Variants in KIF26B observed in about 807,000 individuals in gnomAD.
The protein encoded by KIF26B is kinesin family member 26B.
A neutral mutation model predicts 151.2 loss-of-function variants in KIF26B; 63 were observed. That is an observed-to-expected ratio of 0.42 (90% CI 0.34 to 0.51). KIF26B has a LOEUF of 0.51. KIF26B is among the 20% of genes least tolerant of loss of function. The pLI, the probability that KIF26B is intolerant of heterozygous loss-of-function variation, is 0.07. For synonymous variants in KIF26B, 1,357 were observed against 1,262.1 expected (o/e 1.08, Z -1.59); for missense variants, 2,813 against 2,913.6 (o/e 0.97, Z 0.79).
intron 9 of KIF26B, among the ~76,000 whole-genome samples, chr1:245,633,901 T>C (rs1411804717): frequency 6.6e-6 from 1 of 152,038 alleles, no homozygotes; most frequent in African/African-American, 2.4e-5. Context: ...CAGCCTCAAA[T>C]TTGTAGTGTT....
intron 9 of KIF26B, among the ~76,000 whole-genome samples, chr1:245,619,398 G>A (rs939865223): frequency 2.6e-5 from 4 of 152,230 alleles, no homozygotes; most frequent in Non-Finnish European, 5.9e-5. Context: ...CACCCACCTC[G>A]GCCAGCCTGG....
chr1:245,523,172 G>A (rs370109305), intron 4 of KIF26B, among the ~76,000 whole-genome samples: 3 of 152,156 alleles, frequency 2.0e-5, no homozygotes, highest in African/African-American at 2.4e-5. Context: ...AGTTGGCTTC[G>A]CATCCTGTAC....
intron 2 of KIF26B, among the ~76,000 whole-genome samples, chr1:245,257,504 A>C (rs1670558351): frequency 6.6e-6 from 1 of 152,274 alleles, no homozygotes. Flanking sequence ...CTCACCTCTC[A>C]ATGAGTGGGA....
At chr1:245,614,181 G>A (rs111930943) in intron 9 of KIF26B, among the ~76,000 whole-genome samples, 1,661 of 151,980 alleles carry the variant, frequency 0.011, 35 homozygotes, top group African/African-American at 0.038. Flanking sequence ...TAGTTTTTTT[G>A]TTTGTTTGAG....
intron 3 of KIF26B, among the ~76,000 whole-genome samples, chr1:245,406,941 C>G (rs1246432864): frequency 6.6e-6 from 1 of 151,974 alleles, no homozygotes; most frequent in African/African-American, 2.4e-5. Context: ...GTGCGCACCA[C>G]CACGCCTGGC....
intron 4 of KIF26B, among the ~76,000 whole-genome samples, chr1:245,448,076 T>C (rs1026605265): frequency 1.3e-5 from 2 of 152,254 alleles, no homozygotes; most frequent in Non-Finnish European, 2.9e-5. Context: ...CCTTTTGCCA[T>C]AGGAAGACAC....
intron 9 of KIF26B, among the ~76,000 whole-genome samples, chr1:245,627,930 G>A (rs2043741692): frequency 6.6e-6 from 1 of 152,132 alleles, no homozygotes; most frequent in African/African-American, 2.4e-5. Flanking sequence ...GACTAAACCA[G>A]GAAGAAGTCA....
In KIF26B at chr1:245,184,050, G is replaced by GTTGTTTTTTTTTTTTTTTTT. The variant is rs1553332271; in HGVS notation, c.465+27369_465+27370insGTTTTTTTTTTTTTTTTTTT. Among the ~76,000 whole-genome samples the GTTGTTTTTTTTTTTTTTTTT allele has an allele frequency of 8.6e-4, 17 of 19,810 alleles. 1 individual carries two copies. The highest frequency in any genetic ancestry group is 2.8e-3 in the South Asian group (1 of 352). 13.0% of individuals were successfully genotyped at this position (19,810 alleles called of 152,430 possible). ...GCAACAGGTATGGGTGGGAGTTGTT[G>GTTGTTTTTTTTTTTTTTTTT]TTTTTTTTTTTTTTTTTTTGAGCTT... On this transcript the variant is annotated intron_variant, in intron 2 of 14. Coordinates refer to ENST00000407071, the MANE Select transcript of KIF26B (RefSeq NM_018012.4).
At position 245,492,830 on chromosome 1, in the gene KIF26B, G is replaced by C. The variant is rs182777697; in HGVS notation, c.1167-47937G>C. Among the ~76,000 whole-genome samples, 5 of 152,162 alleles carry C rather than the reference G, an allele frequency of 3.3e-5. No individual in the cohort carries two copies. In the South Asian group the frequency reaches 1.0e-3, roughly 32 times the overall value. On this transcript the variant is annotated intron_variant, in intron 4 of 14. Transcript: ENST00000407071. ...GAGTCTTGCTCTGTCGCCCAGGCTG[G>C]AGTGCAGTGGCGTGATCTTGGCTCA...
intron 4 of KIF26B, among the ~76,000 whole-genome samples, chr1:245,467,293 T>G (rs608295): frequency 0.81 from 123,878 of 152,228 alleles, 50,645 homozygotes; most frequent in African/African-American, 0.88. Context: ...AGCTCTTTAT[T>G]CTGTGTTTCG....
chr1:245,653,922 G>T (rs568688764), intron 10 of KIF26B, among the ~76,000 whole-genome samples: 1 of 152,222 alleles, frequency 6.6e-6, no homozygotes, highest in East Asian at 1.9e-4. Flanking sequence ...CACTAGCTGG[G>T]CATGGTGGCT....
intron 2 of KIF26B, among the ~76,000 whole-genome samples, chr1:245,357,983 C>G (rs1672735618): frequency 6.6e-6 from 1 of 152,178 alleles, no homozygotes; most frequent in Non-Finnish European, 1.5e-5. Flanking sequence ...GTGGCGTCAT[C>G]ATAGCTCACT....
At chr1:245,580,598 C>T (rs1224383551) in intron 5 of KIF26B, among the ~76,000 whole-genome samples, 12 of 152,158 alleles carry the variant, frequency 7.9e-5, no homozygotes. Context: ...CTCCAGAGGG[C>T]AAGGGGGTTC....
intron 9 of KIF26B, among the ~76,000 whole-genome samples, chr1:245,619,781 C>T (rs1447434317): frequency 4.0e-5 from 6 of 151,314 alleles, no homozygotes; most frequent in Middle Eastern, 3.2e-3. Flanking sequence ...GGCATGGTGG[C>T]GGGCGCCTGT....
chr1:245,391,774 G>T (rs1219553556), intron 3 of KIF26B, among the ~76,000 whole-genome samples: 1 of 151,880 alleles, frequency 6.6e-6, no homozygotes, highest in Non-Finnish European at 1.5e-5. Context: ...GCCAACATGT[G>T]ATGGGTTTAT....
intron 3 of KIF26B, among the ~76,000 whole-genome samples, chr1:245,370,274 C>A (rs1328834835): frequency 5.3e-5 from 8 of 152,042 alleles, no homozygotes; most frequent in Non-Finnish European, 1.2e-4. Context: ...AAAATATTAT[C>A]TTTAGCAGTA....
chr1:245,390,932 A>AC (rs1342189325), intron 3 of KIF26B, among the ~76,000 whole-genome samples: 3,522 of 139,524 alleles, frequency 0.025, 409 homozygotes, highest in African/African-American at 0.088. Flanking sequence ...AAAAAAAAAA[A>AC]AAAAAAAAAA....
At chr1:245,548,326 G>T (rs1661796018) in intron 5 of KIF26B, among the ~76,000 whole-genome samples, 1 of 152,156 alleles carries the variant, frequency 6.6e-6, no homozygotes, top group Non-Finnish European at 1.5e-5. Context: ...GTCTTGATGG[G>T]GCGCTGAGCA....
intron 2 of KIF26B, among the ~76,000 whole-genome samples, chr1:245,230,852 CTAAA>C (rs1669981396): frequency 6.6e-6 from 1 of 151,460 alleles, no homozygotes; most frequent in Non-Finnish European, 1.5e-5. Context: ...CCAACATGAA[CTAAA>C]TATAATTGCA....
Sources: allele counts gnomAD v4.1 joint callset (sites outside exome capture counted in the v4.1 genomes callset), GRCh38; gene constraint gnomAD v4.1.1; transcripts MANE v1.5; gene names NCBI Gene and HGNC (gene_info 2026-07-23, HGNC 2026-07-21).